OR2L13: variants seen among roughly 807,000 people sequenced by gnomAD.
OR2L13 encodes olfactory receptor family 2 subfamily L member 13, also known as olfactory receptor 2L13.
A neutral mutation model predicts 15.3 loss-of-function variants in OR2L13; 14 were observed. The observed-to-expected ratio is 0.91, with a 90% CI of 0.60 to 1.43. The LOEUF (loss-of-function observed/expected upper bound fraction) is 1.43, where lower values mean the gene tolerates loss of function less well. Among genes scored for constraint, OR2L13 ranks in the 40% most tolerant of loss-of-function variants. OR2L13 has a pLI of 0.00. For missense variants in OR2L13, 367 were observed against 387.9 expected, an observed-to-expected ratio of 0.95 and a Z score of 0.45; for synonymous variants, 152 against 142.9, an observed-to-expected ratio of 1.06 and a Z score of -0.45.
the OR2L13 span, among the ~76,000 whole-genome samples, chr1:248,046,506 A>T: frequency 6.6e-6 from 1 of 152,148 alleles, no homozygotes; most frequent in Non-Finnish European, 1.5e-5. Flanking sequence ...GAATAAATAT[A>T]TTTGTTTCTT....
the OR2L13 span, among the ~76,000 whole-genome samples, chr1:248,056,406 G>A: frequency 1.1e-4 from 16 of 151,964 alleles, no homozygotes; most frequent in South Asian, 2.1e-4. Flanking sequence ...TCTGGGGTTT[G>A]TTTGCTCTTG....
At chr1:248,017,697 C>T in the OR2L13 span, among the ~76,000 whole-genome samples, 27 of 152,124 alleles carry the variant, frequency 1.8e-4, no homozygotes, top group African/African-American at 5.5e-4. Flanking sequence ...CTTTTCTACC[C>T]GGTGGTCTGG....
the OR2L13 span, among the ~76,000 whole-genome samples, chr1:248,014,347 C>A: frequency 9.9e-5 from 15 of 152,044 alleles, no homozygotes; most frequent in Admixed American, 9.2e-4. Flanking sequence ...ATAAAGGACC[C>A]TCTTCTGGCA....
At chr1:247,999,580 T>A in the OR2L13 span, among the ~76,000 whole-genome samples, 5 of 152,218 alleles carry the variant, frequency 3.3e-5, no homozygotes, top group African/African-American at 1.2e-4. Flanking sequence ...TACAACATTA[T>A]GTACTGTGTC....
chr1:248,037,300 G>A, the OR2L13 span, among the ~76,000 whole-genome samples: 2 of 152,062 alleles, frequency 1.3e-5, no homozygotes, highest in Admixed American at 6.6e-5. Flanking sequence ...TGAATCATAG[G>A]CTGCTGCAGT....
At chr1:248,061,116 AG>A in the OR2L13 span, 1 of 1,613,900 alleles carries the variant, frequency 6.2e-7, no homozygotes, top group Non-Finnish European at 8.5e-7. Context: ...TGATGATAAC[AG>A]GGTCTTGGAT....
the OR2L13 span, among the ~76,000 whole-genome samples, chr1:248,001,567 A>C: frequency 1.3e-5 from 2 of 152,030 alleles, no homozygotes; most frequent in Non-Finnish European, 2.9e-5. Flanking sequence ...GTAAATAAAA[A>C]AAATAATAAA....
At chr1:247,979,319 A>C in the OR2L13 span, among the ~76,000 whole-genome samples, 2 of 150,450 alleles carry the variant, frequency 1.3e-5, no homozygotes, top group Non-Finnish European at 3.0e-5. Context: ...TCAGGCCACC[A>C]CCCCCCAAAA....
chr1:247,988,991 G>T, the OR2L13 span, among the ~76,000 whole-genome samples: 1 of 152,108 alleles, frequency 6.6e-6, no homozygotes. Context: ...GGGGAGCAAA[G>T]ATACAGAATA....
chr1:248,038,157 G>A, the OR2L13 span: 1 of 748,242 alleles, frequency 1.3e-6, no homozygotes, highest in East Asian at 2.5e-5. Flanking sequence ...ATCAACCCCA[G>A]TTTCAGGCAT....
At chr1:248,075,274 G>A in the OR2L13 span, among the ~76,000 whole-genome samples, 14 of 152,264 alleles carry the variant, frequency 9.2e-5, no homozygotes, top group East Asian at 1.9e-4. Flanking sequence ...GTCTATCACT[G>A]ATGGACATTT....
chr1:248,048,923 C>CTTTTTT, the OR2L13 span, among the ~76,000 whole-genome samples: 2 of 141,694 alleles, frequency 1.4e-5, no homozygotes, highest in Admixed American at 7.1e-5. Flanking sequence ...TTCTCTCTCT[C>CTTTTTT]TTTTTTTTTT....
At chr1:248,021,398 T>C in the OR2L13 span, among the ~76,000 whole-genome samples, 1 of 152,218 alleles carries the variant, frequency 6.6e-6, no homozygotes, top group African/African-American at 2.4e-5. Context: ...TACTATTCTA[T>C]AAGTAGTCCC....
At chr1:248,028,324 C>G in the OR2L13 span, among the ~76,000 whole-genome samples, 1 of 152,056 alleles carries the variant, frequency 6.6e-6, no homozygotes, top group Non-Finnish European at 1.5e-5. Context: ...CCCTGTGGCC[C>G]TGTAACAATC....
the OR2L13 span, among the ~76,000 whole-genome samples, chr1:248,059,032 G>A: frequency 3.3e-5 from 5 of 151,916 alleles, no homozygotes; most frequent in South Asian, 2.1e-4. Flanking sequence ...CACAGATTTC[G>A]TAACATATCA....
the OR2L13 span, among the ~76,000 whole-genome samples, chr1:247,963,127 G>C: frequency 6.6e-6 from 1 of 152,108 alleles, no homozygotes; most frequent in Admixed American, 6.5e-5. Context: ...GAATAAAAAG[G>C]TGCCTACTCA....
chr1:248,030,126 C>T, the OR2L13 span: 1 of 151,974 alleles, frequency 6.6e-6, no homozygotes, highest in East Asian at 1.9e-4. Flanking sequence ...TTTCTTTAAG[C>T]AATATTCTTA....
the OR2L13 span, among the ~76,000 whole-genome samples, chr1:247,958,782 T>C: frequency 6.6e-6 from 1 of 151,896 alleles, no homozygotes; most frequent in Non-Finnish European, 1.5e-5. Flanking sequence ...TTTTTTTGTT[T>C]TCCATTTGCT....
chr1:247,953,847 A>G, the OR2L13 span, among the ~76,000 whole-genome samples: 2 of 152,148 alleles, frequency 1.3e-5, no homozygotes, highest in African/African-American at 4.8e-5. Context: ...AAACTACCAG[A>G]ATTAACTCTT....
Sources: gnomAD v4.1 joint callset for allele counts (sites outside exome capture counted in the v4.1 genomes callset) on GRCh38, gnomAD v4.1.1 for gene constraint, MANE v1.5 for transcripts, NCBI Gene and HGNC (gene_info 2026-07-23, HGNC 2026-07-21) for gene names.